CADM2: variants seen among roughly 807,000 people sequenced by gnomAD.
CADM2 encodes the protein immunoglobulin superfamily member 4D.
A neutral mutation model predicts 49.8 loss-of-function variants in CADM2; 12 were observed. The ratio of observed to expected loss-of-function variants is 0.24; its 90% CI spans 0.15 to 0.39. The LOEUF (loss-of-function observed/expected upper bound fraction) is 0.39, where lower values mean the gene tolerates loss of function less well. Among genes scored for constraint, CADM2 ranks in the 10% least tolerant of loss-of-function variants. CADM2 has a pLI of 1.00. For missense variants in CADM2, 378 were observed against 492.3 expected (o/e 0.77, Z 2.20); for synonymous variants, 214 against 175.4 (o/e 1.22, Z -1.74).
At chr3:85,851,658 T>G (rs1357067940) in intron 3 of CADM2, among the ~76,000 whole-genome samples, 2 of 149,626 alleles carry the variant, frequency 1.3e-5, no homozygotes, top group Non-Finnish European at 3.0e-5. Flanking sequence ...CTATAGTGTG[T>G]ATGTTGGTGT....
At chr3:85,757,609 A>C (rs527955285) in intron 2 of CADM2, among the ~76,000 whole-genome samples, 37 of 152,276 alleles carry the variant, frequency 2.4e-4, no homozygotes, top group African/African-American at 8.9e-4. Flanking sequence ...AGCTTAATAG[A>C]AGTTGAGCCA....
intron 1 of CADM2, among the ~76,000 whole-genome samples, chr3:85,212,967 G>T (rs1457965539): frequency 6.6e-6 from 1 of 150,746 alleles, no homozygotes; most frequent in Non-Finnish European, 1.5e-5. Context: ...TGCAACCTTC[G>T]CCTCCTGGGT....
intron 1 of CADM2, among the ~76,000 whole-genome samples, chr3:85,615,676 T>C (rs1022270559): frequency 2.2e-4 from 33 of 151,676 alleles, no homozygotes; most frequent in African/African-American, 8.0e-4. Flanking sequence ...AAACTCAGGA[T>C]AGCATCATGT....
chr3:85,177,519 T>C (rs1458873226), intron 1 of CADM2, among the ~76,000 whole-genome samples: 4 of 151,906 alleles, frequency 2.6e-5, no homozygotes, highest in Non-Finnish European at 5.9e-5. Context: ...TTATCTATAA[T>C]GTATAAAAAT....
At chr3:86,015,770 A>G (rs1186492769) in intron 8 of CADM2, among the ~76,000 whole-genome samples, 4 of 152,190 alleles carry the variant, frequency 2.6e-5, no homozygotes, top group East Asian at 1.9e-4. Context: ...TTTAGCCGGT[A>G]TATGTTGAAC....
rs148569020 is a variant in CADM2 at position 85,973,299 on chromosome 3, C to A, written c.970+11652C>A. ...GAAAGATCGTTTGAGTTTAGGAGTT[C>A]AGAAATGTAGTGCACCATGGCCATG... On this transcript the variant is annotated intron_variant, in intron 8 of 9. Coordinates refer to ENST00000383699, the MANE Select transcript of CADM2 (RefSeq NM_001167675.2). 6.4e-3 allele frequency among the ~76,000 whole-genome samples: 967 copies of A among 151,754 alleles called. 13 individuals are homozygous for A. The highest frequency in any genetic ancestry group is 0.02 in the African/African-American group (844 of 41,472).
chr3:85,859,333 C>T (rs1293237204), intron 3 of CADM2, among the ~76,000 whole-genome samples: 8 of 141,584 alleles, frequency 5.7e-5, no homozygotes, highest in African/African-American at 7.9e-5. Flanking sequence ...CGGGTTCAAG[C>T]GATTCTCCTG....
In CADM2 at chr3:85,769,556, T is replaced by C. The variant is rs370001906; in HGVS notation, c.89-32491T>C. 9.7e-4 allele frequency among the ~76,000 whole-genome samples: 48 copies of C among 49,656 alleles called. 1 individual carries two copies. The highest frequency in any genetic ancestry group is 2.6e-3 in the South Asian group (5 of 1,936). 32.6% of individuals were successfully genotyped at this position (49,656 alleles called of 152,430 possible). A position where few individuals can be genotyped will look rare whatever the true frequency, so the allele number is the denominator to read the frequency against. Reference sequence around the variant, plus strand: ...ATATATACACGTATATACATATATGTATATATACACGTATATACATATATA... The same window carrying C: ...ATATATACACGTATATACATATATGCATATATACACGTATATACATATATA... On this transcript the variant is annotated intron_variant, in intron 2 of 9. Transcript: ENST00000383699.
At chr3:86,005,074 C>A (rs1490591198) in intron 8 of CADM2, among the ~76,000 whole-genome samples, 2 of 152,110 alleles carry the variant, frequency 1.3e-5, no homozygotes, top group South Asian at 2.1e-4. Flanking sequence ...CTTTTCCCAG[C>A]ACCACACTCA....
intron 1 of CADM2, among the ~76,000 whole-genome samples, chr3:85,214,605 C>A (rs981164833): frequency 1.3e-5 from 2 of 151,942 alleles, no homozygotes; most frequent in African/African-American, 4.8e-5. Flanking sequence ...AGTAGGGTAC[C>A]TTAGGAATCT....
At chr3:84,972,541 A>G (rs935825433) in intron 1 of CADM2, among the ~76,000 whole-genome samples, 1 of 152,232 alleles carries the variant, frequency 6.6e-6, no homozygotes, top group African/African-American at 2.4e-5. Context: ...ACAAAATCAC[A>G]TCCATAGATC....
intron 8 of CADM2, among the ~76,000 whole-genome samples, chr3:86,049,307 C>T (rs1737059794): frequency 6.7e-6 from 1 of 150,042 alleles, no homozygotes; most frequent in Non-Finnish European, 1.5e-5. Context: ...CAGAGTCTCA[C>T]TCTGTCTCCC....
At chr3:85,492,810 T>C (rs2039730741) in intron 1 of CADM2, among the ~76,000 whole-genome samples, 1 of 152,128 alleles carries the variant, frequency 6.6e-6, no homozygotes, top group African/African-American at 2.4e-5. Flanking sequence ...GTATTGAAGA[T>C]TCCTAAATGT....
chr3:85,459,105 G>A (rs1359953925), intron 1 of CADM2, among the ~76,000 whole-genome samples: 1 of 152,088 alleles, frequency 6.6e-6, no homozygotes, highest in African/African-American at 2.4e-5. Context: ...GCTTTCAGTT[G>A]TTTTCTGGTA....
chr3:85,869,640 C>T (rs1213728273), intron 3 of CADM2, among the ~76,000 whole-genome samples: 1 of 151,908 alleles, frequency 6.6e-6, no homozygotes, highest in East Asian at 1.9e-4. Flanking sequence ...CCTTTATCTG[C>T]CTACATTTTT....
chr3:85,226,761 AT>A (rs1469985240), intron 1 of CADM2, among the ~76,000 whole-genome samples: 1 of 152,116 alleles, frequency 6.6e-6, no homozygotes, highest in East Asian at 1.9e-4. Context: ...TCTTGTGGGC[AT>A]TTAGTGCTAT....
At chr3:85,236,405 T>C (rs1187882020) in intron 1 of CADM2, among the ~76,000 whole-genome samples, 1 of 152,088 alleles carries the variant, frequency 6.6e-6, no homozygotes, top group Non-Finnish European at 1.5e-5. Context: ...ATAATTGAGA[T>C]AAACCTTCTT....
chr3:86,024,037 T>C (rs1421173609), intron 8 of CADM2, among the ~76,000 whole-genome samples: 2 of 152,220 alleles, frequency 1.3e-5, no homozygotes, highest in East Asian at 3.8e-4. Flanking sequence ...GAGTTCTATT[T>C]CAAGCTTGCC....
At chr3:85,697,069 TATATATATATATGCC>T (rs1214172299) in intron 1 of CADM2, among the ~76,000 whole-genome samples, 21 of 55,198 alleles carry the variant, frequency 3.8e-4, no homozygotes, top group African/African-American at 9.6e-4. Context: ...CTGTCTTAAT[TATATATATATATGCC>T]ATATATATAT....
Sources: gnomAD v4.1 joint callset for allele counts (sites outside exome capture counted in the v4.1 genomes callset) on GRCh38, gnomAD v4.1.1 for gene constraint, MANE v1.5 for transcripts, NCBI Gene and HGNC (gene_info 2026-07-23, HGNC 2026-07-21) for gene names.